GRIN3A: variants seen among roughly 807,000 people sequenced by gnomAD.
The protein encoded by GRIN3A is glutamate ionotropic receptor NMDA type subunit 3A.
In GRIN3A, 47 loss-of-function variants were observed where a neutral mutation model predicts 92.4. That is an observed-to-expected ratio of 0.51 (90% CI 0.40 to 0.65). The LOEUF (loss-of-function observed/expected upper bound fraction) is 0.65, where lower values mean the gene tolerates loss of function less well. Among genes scored for constraint, GRIN3A ranks in the 30% least tolerant of loss-of-function variants. The pLI, the probability that GRIN3A is intolerant of heterozygous loss-of-function variation, is 0.00. For missense variants in GRIN3A, 1,324 were observed against 1,393.1 expected (o/e 0.95, Z 0.79); for synonymous variants, 527 against 540.6 (o/e 0.97, Z 0.35).
intron 1 of GRIN3A, among the ~76,000 whole-genome samples, chr9:101,708,996 C>T (rs184299815): frequency 1.9e-4 from 29 of 152,282 alleles, no homozygotes; most frequent in Non-Finnish European, 3.8e-4. Context: ...GATAGTAACA[C>T]ACAGGCAATT....
At chr9:101,665,495 G>T (rs569043623) in intron 3 of GRIN3A, among the ~76,000 whole-genome samples, 1 of 151,916 alleles carries the variant, frequency 6.6e-6, no homozygotes. Flanking sequence ...GTGAAAACGG[G>T]ATGAAAATGG....
chr9:101,611,586 A>G (rs1191045283), intron 6 of GRIN3A, among the ~76,000 whole-genome samples: 1 of 152,176 alleles, frequency 6.6e-6, no homozygotes, highest in African/African-American at 2.4e-5. Flanking sequence ...TTTCTCAGGT[A>G]TGCTGTTCAA....
chr9:101,637,833 G>A (rs1828804979), intron 3 of GRIN3A, among the ~76,000 whole-genome samples: 1 of 152,160 alleles, frequency 6.6e-6, no homozygotes, highest in Non-Finnish European at 1.5e-5. Context: ...GATCTAGGCA[G>A]GAAGGTGATT....
intron 3 of GRIN3A, among the ~76,000 whole-genome samples, chr9:101,662,858 TTG>T (rs1223007073): frequency 6.6e-6 from 1 of 151,884 alleles, no homozygotes; most frequent in Non-Finnish European, 1.5e-5. Flanking sequence ...TCATGAACTT[TTG>T]TTGCTACACT....
chr9:101,686,315 T>A (rs182210529), intron 2 of GRIN3A, among the ~76,000 whole-genome samples: 262 of 152,298 alleles, frequency 1.7e-3, no homozygotes, highest in Middle Eastern at 6.8e-3. Context: ...TTGGAGCTTT[T>A]AAATAACTTT....
chr9:101,606,719 T>G (rs765358838), intron 6 of GRIN3A, among the ~76,000 whole-genome samples: 3 of 152,030 alleles, frequency 2.0e-5, no homozygotes, highest in Non-Finnish European at 4.4e-5. Context: ...TTATTCAAAC[T>G]ATCATTTAAA....
intron 1 of GRIN3A, among the ~76,000 whole-genome samples, chr9:101,690,387 G>C (rs1409086982): frequency 6.6e-6 from 1 of 152,144 alleles, no homozygotes; most frequent in Non-Finnish European, 1.5e-5. Context: ...TGCAGGTTTT[G>C]TTCCATCATA....
intron 4 of GRIN3A, among the ~76,000 whole-genome samples, chr9:101,624,272 G>T (rs2118871915): frequency 6.6e-6 from 1 of 151,608 alleles, no homozygotes; most frequent in African/African-American, 2.4e-5. Context: ...TGTGCACAAT[G>T]TGCAGGTTAG....
rs1377539280 is a variant in GRIN3A at position 101,670,893 on chromosome 9, A to C, written c.1519T>G (p.Phe507Val). ...PEQAQRHKTHFQHPSKLHLRV... is the reference protein window; with the variant it reads ...PEQAQRHKTHVQHPSKLHLRV... ...AAGTGTAGCTTACTTGGATGTTGGA[A>C]GTGGGTTTTGTGTCTCTGGGCCTGC... is the stretch of plus-strand genomic sequence containing the variant. The change falls in exon 3 of 9, where the codon TTC becomes GTC. Residue 507 changes from phenylalanine to valine, a missense_variant. Physicochemically the swap from Phe to Val is conservative, Grantham distance 50. Transcript: ENST00000361820. The C allele has an allele frequency of 1.2e-6, 2 of 1,612,072 alleles. No individual in the cohort carries two copies. The highest frequency in any genetic ancestry group is 2.7e-5 in the African/African-American group (2 of 74,832).
intron 6 of GRIN3A, among the ~76,000 whole-genome samples, chr9:101,610,870 G>A (rs1056718536): frequency 3.9e-5 from 6 of 152,022 alleles, no homozygotes; most frequent in Non-Finnish European, 5.9e-5. Context: ...AGGCCGAGGC[G>A]GGCAGATCAT....
chr9:101,578,905 T>C (rs1256997352), intron 7 of GRIN3A, among the ~76,000 whole-genome samples: 1 of 152,180 alleles, frequency 6.6e-6, no homozygotes, highest in Non-Finnish European at 1.5e-5. Context: ...TCACACCATC[T>C]TTTCAGACTG....
chr9:101,695,893 T>G (rs955637546), intron 1 of GRIN3A, among the ~76,000 whole-genome samples: 4 of 152,152 alleles, frequency 2.6e-5, no homozygotes, highest in South Asian at 4.1e-4. Flanking sequence ...CTCTCGAGCC[T>G]CTTTAGAAAA....
intron 3 of GRIN3A, among the ~76,000 whole-genome samples, chr9:101,629,528 C>T (rs1405794919): frequency 1.3e-5 from 2 of 152,124 alleles, no homozygotes; most frequent in African/African-American, 4.8e-5. Context: ...ACTCTTAAAA[C>T]CTGTTGTTCA....
intron 3 of GRIN3A, among the ~76,000 whole-genome samples, chr9:101,652,942 G>T (rs561031989): frequency 6.6e-6 from 1 of 151,736 alleles, no homozygotes. Flanking sequence ...TTTTTTTTAG[G>T]GGGGCTGGGA....
chr9:101,686,749 A>C lies in GRIN3A; in HGVS notation c.1151T>G (p.Val384Gly). The C allele has an allele frequency of 6.2e-7, 1 of 1,614,164 alleles. No homozygotes were observed. Among genetic ancestry groups the C allele is most frequent in the Non-Finnish European group, 8.5e-7 (1 of 1,180,020 alleles). Residue 384 changes from valine to glycine, a missense_variant, in exon 2 of 9, where the codon GTC becomes GGC. By Grantham distance (109) the Val-to-Gly change is moderately radical. Coordinates refer to ENST00000361820, the MANE Select transcript of GRIN3A (RefSeq NM_133445.3). The stretch of plus-strand genomic sequence containing the variant: ...AGCATCTTGTACGTAGTGCTCAAAG[A>C]CAGACTGTGTTGTTTTTCCATGAGC... The part of the protein sequence containing the change: ...LIAHGKTTQS[V>G]FEHYVQDAME...
At chr9:101,601,627 C>T (rs978933992) in intron 6 of GRIN3A, among the ~76,000 whole-genome samples, 2 of 152,160 alleles carry the variant, frequency 1.3e-5, no homozygotes, top group African/African-American at 4.8e-5. Flanking sequence ...GGTCATGCTC[C>T]CTTTGAAACC....
intron 5 of GRIN3A, among the ~76,000 whole-genome samples, chr9:101,615,211 AC>A (rs1227325456): frequency 3.6e-5 from 4 of 112,012 alleles, no homozygotes; most frequent in Non-Finnish European, 7.1e-5. Context: ...AAAAACCCAA[AC>A]CCTTTTTTTT....
At chr9:101,708,965 C>A (rs537125445) in intron 1 of GRIN3A, among the ~76,000 whole-genome samples, 1 of 152,174 alleles carries the variant, frequency 6.6e-6, no homozygotes, top group Non-Finnish European at 1.5e-5. Context: ...TTTTCAGAAA[C>A]CTTTGGAAAG....
Position 101,613,356 on chromosome 9 carries a change from T to C in GRIN3A, c.2766+20A>G, listed in dbSNP as rs1407308531. 6.2e-7 allele frequency: 1 copy of C among 1,613,980 alleles called. No homozygotes were observed. The highest frequency in any genetic ancestry group is 1.1e-5 in the South Asian group (1 of 91,058). ...GTACAGCTATACAACGTGTCACCAT[T>C]TTCAACAGTCTTTCCATACCTCCGT... On this transcript the variant is annotated intron_variant, in intron 6 of 8. Coordinates refer to ENST00000361820, the MANE Select transcript of GRIN3A (RefSeq NM_133445.3).
Sources: gnomAD v4.1 joint callset for allele counts (sites outside exome capture counted in the v4.1 genomes callset) on GRCh38, gnomAD v4.1.1 for gene constraint, MANE v1.5 for transcripts, NCBI Gene and HGNC (gene_info 2026-07-23, HGNC 2026-07-21) for gene names.